STMN2: variants seen among roughly 807,000 people sequenced by gnomAD.
The protein encoded by STMN2 is stathmin 2.
STMN2 carries 2 observed loss-of-function variants against 24.1 expected under a neutral mutation model. That is an observed-to-expected ratio of 0.08 (90% CI 0.03 to 0.26). The LOEUF is 0.26. Ranked by LOEUF, STMN2 falls within the 10% of genes least tolerant of loss-of-function variation. The pLI is 1.00. For synonymous variants in STMN2, 83 were observed against 77.5 expected, an observed-to-expected ratio of 1.07 and a Z score of -0.37; for missense variants, 114 against 213.6, an observed-to-expected ratio of 0.53 and a Z score of 2.91.
In STMN2 at chr8:79,645,008, C is replaced by A. The variant is rs530063187; in HGVS notation, c.288+3458C>A. 4.6e-5 allele frequency among the ~76,000 whole-genome samples: 7 copies of A among 151,932 alleles called. No individual in the cohort carries two copies. The East Asian group carries it at 1.2e-3, about 25-fold the overall frequency. Reference sequence around the variant, plus strand: ...CATCTCTACTAAAAATACAAAAATTCGCAGGGCATAGTGGCGAGTGCCTGT... The same window carrying A: ...CATCTCTACTAAAAATACAAAAATTAGCAGGGCATAGTGGCGAGTGCCTGT... On this transcript the variant is annotated intron_variant, in intron 3 of 4. Coordinates refer to ENST00000220876, the MANE Select transcript of STMN2 (RefSeq NM_007029.4).
intron 3 of STMN2, among the ~76,000 whole-genome samples, chr8:79,646,356 A>G (rs1186362175): frequency 6.6e-6 from 1 of 152,066 alleles, no homozygotes; most frequent in African/African-American, 2.4e-5. Context: ...TAGATGATGC[A>G]AAATTAGCAG....
chr8:79,645,331 C>T (rs78329211), intron 3 of STMN2, among the ~76,000 whole-genome samples: 6,826 of 152,178 alleles, frequency 0.045, 258 homozygotes, highest in East Asian at 0.22. Context: ...TATTAATGAG[C>T]TGTTTCACAT....
intron 3 of STMN2, among the ~76,000 whole-genome samples, chr8:79,653,916 G>T (rs776994007): frequency 1.3e-5 from 2 of 152,184 alleles, no homozygotes; most frequent in Non-Finnish European, 2.9e-5. Flanking sequence ...AATATGGAAA[G>T]AAGTTACGTA....
At chr8:79,635,449 T>C (rs975796350) in intron 1 of STMN2, among the ~76,000 whole-genome samples, 1 of 152,230 alleles carries the variant, frequency 6.6e-6, no homozygotes, top group Admixed American at 6.5e-5. Flanking sequence ...AAAAGACACA[T>C]GTGCTTGTAT....
intron 1 of STMN2, among the ~76,000 whole-genome samples, chr8:79,623,116 G>A (rs1809557227): frequency 6.6e-6 from 1 of 152,098 alleles, no homozygotes; most frequent in African/African-American, 2.4e-5. Context: ...CCCATTAGTG[G>A]ATAAGCACGA....
At position 79,655,039 on chromosome 8, in the gene STMN2, A is replaced by C. The variant is rs1177531448; in HGVS notation, c.457A>C (p.Ile153Leu). ...AAACCGTGAGGCTAATCTAGCTGCTATTATTGAACGTCTGCAGGAAAAGGT... is the reference window on the plus strand; with the variant it reads ...AAACCGTGAGGCTAATCTAGCTGCTCTTATTGAACGTCTGCAGGAAAAGGT... ...KENREANLAA[I>L]IERLQEKERH... is the part of the protein sequence containing the mutation. Residue 153 changes from isoleucine (I) to leucine (L), a missense_variant, in exon 4 of 5, where the codon ATT (isoleucine) becomes CTT (leucine). Physicochemically the swap from Ile to Leu is conservative, Grantham distance 5. Transcript: ENST00000220876. 6.2e-7 allele frequency: 1 copy of C among 1,613,892 alleles called. No homozygotes were observed. Among genetic ancestry groups the C allele is most frequent in the Non-Finnish European group, 8.5e-7 (1 of 1,179,910 alleles).
chr8:79,617,069 T>C (rs141059921), intron 1 of STMN2, among the ~76,000 whole-genome samples: 2 of 152,342 alleles, frequency 1.3e-5, no homozygotes, highest in East Asian at 1.9e-4. Context: ...ATATTTATTA[T>C]TTACCAAATT....
At chr8:79,620,718 A>G (rs1345242912) in intron 1 of STMN2, among the ~76,000 whole-genome samples, 1 of 152,172 alleles carries the variant, frequency 6.6e-6, no homozygotes, top group East Asian at 1.9e-4. Context: ...AAGATCCACC[A>G]AAAGGCTGAA....
At chr8:79,626,746 C>T (rs1306651136) in intron 1 of STMN2, among the ~76,000 whole-genome samples, 1 of 152,172 alleles carries the variant, frequency 6.6e-6, no homozygotes, top group African/African-American at 2.4e-5. Flanking sequence ...GACACACACT[C>T]CTATGTATGA....
At chr8:79,641,624 G>GCTCTCACA in intron 3 of STMN2, 74 bp downstream of exon 3, 1 of 476,326 alleles carries the variant, frequency 2.1e-6, no homozygotes, top group Non-Finnish European at 3.4e-6. Flanking sequence ...GGGCACACAT[G>GCTCTCACA]CACGCACACA....
At chr8:79,640,956 C>G (rs1255545153) in intron 2 of STMN2, among the ~76,000 whole-genome samples, 1 of 152,092 alleles carries the variant, frequency 6.6e-6, no homozygotes, top group African/African-American at 2.4e-5. Context: ...CTGAAGAACT[C>G]CGTTATGTTT....
intron 3 of STMN2, among the ~76,000 whole-genome samples, chr8:79,651,594 C>A (rs1029418276): frequency 6.6e-6 from 1 of 152,200 alleles, no homozygotes; most frequent in Non-Finnish European, 1.5e-5. Flanking sequence ...TTCCTCTTGA[C>A]TTTGGTTCTT....
At chr8:79,634,500 G>C (rs1394136287) in intron 1 of STMN2, among the ~76,000 whole-genome samples, 1 of 152,202 alleles carries the variant, frequency 6.6e-6, no homozygotes, top group African/African-American at 2.4e-5. Flanking sequence ...GATGTGTTAG[G>C]TTGAATCATA....
At chr8:79,634,335 A>T (rs1809887941) in intron 1 of STMN2, among the ~76,000 whole-genome samples, 1 of 152,250 alleles carries the variant, frequency 6.6e-6, no homozygotes, top group Admixed American at 6.5e-5. Flanking sequence ...CAAATGATAC[A>T]AAGAAATTTG....
chr8:79,644,742 G>A (rs1223295348), intron 3 of STMN2, among the ~76,000 whole-genome samples: 3 of 152,124 alleles, frequency 2.0e-5, no homozygotes, highest in Non-Finnish European at 2.9e-5. Flanking sequence ...TAATTATTTA[G>A]TTCATACACT....
intron 1 of STMN2, among the ~76,000 whole-genome samples, chr8:79,624,262 G>A (rs1253164905): frequency 1.3e-5 from 2 of 151,904 alleles, no homozygotes; most frequent in Non-Finnish European, 2.9e-5. Flanking sequence ...AGACCATCCT[G>A]GCTAACACGG....
At chr8:79,629,538 T>A (rs970777036) in intron 1 of STMN2, among the ~76,000 whole-genome samples, 1 of 152,210 alleles carries the variant, frequency 6.6e-6, no homozygotes, top group African/African-American at 2.4e-5. Flanking sequence ...AATGCAACTT[T>A]AGAAAACTGT....
intron 1 of STMN2, among the ~76,000 whole-genome samples, chr8:79,633,803 A>G (rs993385264): frequency 6.6e-6 from 1 of 152,338 alleles, no homozygotes; most frequent in Admixed American, 6.5e-5. Context: ...AGTCCATAAT[A>G]GTAATGATTA....
intron 3 of STMN2, among the ~76,000 whole-genome samples, chr8:79,652,261 G>T (rs1810348929): frequency 6.6e-6 from 1 of 152,168 alleles, no homozygotes; most frequent in South Asian, 2.1e-4. Flanking sequence ...CTAATTCTTG[G>T]ACACATTGCA....
Sources: gnomAD v4.1 joint callset for allele counts (sites outside exome capture counted in the v4.1 genomes callset) on GRCh38, gnomAD v4.1.1 for gene constraint, MANE v1.5 for transcripts, NCBI Gene and HGNC (gene_info 2026-07-23, HGNC 2026-07-21) for gene names.